TNNT3: variants seen among roughly 807,000 people sequenced by gnomAD.
The protein encoded by TNNT3 is troponin T, fast skeletal muscle.
In TNNT3, 36 loss-of-function variants were observed where a neutral mutation model predicts 54.2. The observed-to-expected ratio is 0.66, with a 90% confidence interval of 0.51 to 0.88. The LOEUF is 0.88. Ranked by LOEUF, TNNT3 falls within the 40% of genes least tolerant of loss-of-function variation. TNNT3 has a pLI of 0.00. For missense variants in TNNT3, 291 were observed against 331.6 expected, an observed-to-expected ratio of 0.88 and a Z score of 0.95; for synonymous variants, 120 against 109.7, an observed-to-expected ratio of 1.09 and a Z score of -0.59.
At chr11:1,921,196 C>T (rs1188728830) in intron 1 of TNNT3, among the ~76,000 whole-genome samples, 2 of 152,204 alleles carry the variant, frequency 1.3e-5, no homozygotes, top group African/African-American at 4.8e-5. Flanking sequence ...TTCTGGACAC[C>T]TCAGCTGCCA....
chr11:1,925,396 G>T (rs922796119), intron 5 of TNNT3: 2 of 1,182,188 alleles, frequency 1.7e-6, no homozygotes, highest in Non-Finnish European at 2.4e-6. Flanking sequence ...CAGCCAAGGG[G>T]CCCCCACATG....
chr11:1,926,585 T>A, intron 5 of TNNT3, 110 bp from the exon 6 acceptor site: 1 of 1,608,320 alleles, frequency 6.2e-7, no homozygotes, highest in South Asian at 1.1e-5. Flanking sequence ...CAGCCTGGCC[T>A]GCTCGCTCCG....
intron 8 of TNNT3, among the ~76,000 whole-genome samples, chr11:1,931,764 G>A (rs1371474212): frequency 6.8e-6 from 1 of 147,602 alleles, no homozygotes; most frequent in African/African-American, 2.5e-5. Flanking sequence ...CATTTGCGTG[G>A]TGTCATCTGG....
rs966279745 is a variant in TNNT3, at chr11:1,929,125, G to A, written c.88G>A (p.Ala30Thr). 5.6e-6 allele frequency: 9 copies of A among 1,613,050 alleles called. No individual in the cohort carries two copies. The highest frequency in any genetic ancestry group is 1.7e-5 in the Admixed American group (1 of 60,012). Residue 30 changes from alanine (A) to threonine (T), a missense_variant, in exon 7 of 16, where the codon GCA becomes ACA. Transcript: ENST00000278317. ...QEEEEVQEDT[A>T]EEDAEEEKPR... The stretch of plus-strand genomic sequence containing the variant: ...TGCCTTTTGCCACCTGGAAGACACC[G>A]CAGAGGAGGACGCGGAAGGTAAGGG...
intron 8 of TNNT3, 51 bp downstream of exon 8, chr11:1,929,879 G>A: frequency 6.6e-7 from 1 of 1,508,324 alleles, no homozygotes; most frequent in African/African-American, 1.5e-5. Context: ...CTGGGGTGGG[G>A]GTGGTCAAGT....
intron 14 of TNNT3, chr11:1,936,226 C>T (rs745840491): frequency 2.1e-5 from 34 of 1,613,738 alleles, no homozygotes; most frequent in South Asian, 2.0e-4. Context: ...CATGAATGTC[C>T]GGGCCAGAGT....
intron 1 of TNNT3, among the ~76,000 whole-genome samples, chr11:1,921,990 C>G (rs1460878595): frequency 6.6e-6 from 1 of 152,206 alleles, no homozygotes; most frequent in Admixed American, 6.5e-5. Context: ...TTCCCCTAGA[C>G]AGGGACAGAT....
Position 1,929,162 on chromosome 11 carries a change from C to T in TNNT3, c.106+19C>T, listed in dbSNP as rs768180865. 11 of 1,612,362 alleles carry T rather than the reference C, an allele frequency of 6.8e-6. No individual in the cohort carries two copies. The highest frequency in any genetic ancestry group is 4.4e-5 in the South Asian group (4 of 91,082). On this transcript the variant is annotated intron_variant, in intron 7 of 15. Coordinates refer to ENST00000278317, the MANE Select transcript of TNNT3 (RefSeq NM_006757.4). ...GCGGAAGGTAAGGGCCCGTCCCTGC[C>T]GCCGGAGGTGCAGGACCCTGGCTCT... is the stretch of plus-strand genomic sequence containing the variant.
intron 8 of TNNT3, among the ~76,000 whole-genome samples, chr11:1,932,217 G>T (rs1589970934): frequency 6.6e-6 from 1 of 152,384 alleles, no homozygotes; most frequent in Non-Finnish European, 1.5e-5. Context: ...GCAATGGCCA[G>T]AAGCCAAAAG....
rs202179523 is a variant in TNNT3, at chr11:1,938,482, G to T, written c.767G>T (p.Arg256Leu). The T allele has an allele frequency of 1.9e-6, 3 of 1,613,322 alleles. No individual in the cohort carries two copies. The highest frequency in any genetic ancestry group is 2.2e-5 in the East Asian group (1 of 44,854). Residue 256 changes from arginine (R) to leucine (L), a missense_variant, in exon 16 of 16, where the codon CGC becomes CTC. Physicochemically the swap from Arg to Leu is moderately radical, Grantham distance 102. Transcript: ENST00000278317. Reference sequence around the variant, plus strand: ...CCAGCCAAGGGCAAAGTCGGCGGGCGCTGGAAGTAGAGAGGCCAGAAAGGC... The same window carrying T: ...CCAGCCAAGGGCAAAGTCGGCGGGCTCTGGAAGTAGAGAGGCCAGAAAGGC... Reference protein sequence around the residue: ...GTPAKGKVGGRWK With the variant: ...GTPAKGKVGGLWK
At chr11:1,926,566 A>T (rs914481024) in intron 5 of TNNT3, 129 bp from the exon 6 acceptor site, 11 of 1,608,526 alleles carry the variant, frequency 6.8e-6, no homozygotes, top group Non-Finnish European at 9.4e-6. Context: ...GGGGCCGCGT[A>T]ACCCTGCACA....
intron 3 of TNNT3, 70 bp downstream of exon 3, chr11:1,923,131 G>T: frequency 6.3e-7 from 1 of 1,596,816 alleles, no homozygotes; most frequent in South Asian, 1.1e-5. Flanking sequence ...GCAGGGGGCT[G>T]GACTGTGCAT....
intron 1 of TNNT3, among the ~76,000 whole-genome samples, chr11:1,922,494 C>T (rs986125197): frequency 6.6e-6 from 1 of 152,154 alleles, no homozygotes. Context: ...GGACGGCACA[C>T]GGCCTGCATT....
chr11:1,921,734 G>T (rs538769490), intron 1 of TNNT3: 1 of 152,246 alleles, frequency 6.6e-6, no homozygotes, highest in Non-Finnish European at 1.5e-5. Context: ...GCTGATGAAC[G>T]TGTGTTTTCC....
chr11:1,931,490 C>G (rs1481970717), intron 8 of TNNT3, among the ~76,000 whole-genome samples: 3 of 152,314 alleles, frequency 2.0e-5, no homozygotes, highest in African/African-American at 7.2e-5. Flanking sequence ...GAAACGGCAC[C>G]TCATGATTCT....
rs1853411882 is a variant in TNNT3 at position 1,931,719 on chromosome 11, CG to C, written c.126-749del. 2.1e-5 allele frequency among the ~76,000 whole-genome samples: 3 copies of C among 140,616 alleles called. 1 individual carries two copies. In the South Asian group the frequency reaches 6.7e-4, roughly 32 times the overall value. The allele number at this position is 140,616 out of a possible 152,430, so 92.2% of individuals were successfully genotyped here. A position where few individuals can be genotyped will look rare whatever the true frequency, so the allele number is the denominator to read the frequency against. ...CTTTTTTTTTTGCCTTTCCATTTTC[CG>C]TTTTTTTTTTTTTTTTCACATACAT... is the stretch of plus-strand genomic sequence containing the variant. On this transcript the variant is annotated intron_variant, in intron 8 of 15. Transcript: ENST00000278317.
Position 1,933,948 on chromosome 11 carries a change from G to A in TNNT3, c.306G>A (p.Glu102=). 1 of 1,612,810 alleles carries A rather than the reference G, an allele frequency of 6.2e-7. No homozygotes were observed. The highest frequency in any genetic ancestry group is 8.5e-7 in the Non-Finnish European group (1 of 1,179,998). ...LKERIEKRRA[E]RAEQQRIRAE... is the part of the protein sequence containing the mutation. Reference sequence around the variant, plus strand: ...GGCTGCAGGAGAAGCGCCGTGCAGAGAGAGCGGAGCAGCAGAGGATTCGTG... The same window carrying A: ...GGCTGCAGGAGAAGCGCCGTGCAGAAAGAGCGGAGCAGCAGAGGATTCGTG... The change falls in exon 11 of 16, where the codon GAG becomes GAA. Residue 102 remains glutamate, a synonymous_variant. Coordinates refer to ENST00000278317, the MANE Select transcript of TNNT3 (RefSeq NM_006757.4).
chr11:1,925,646 C>T (rs1034186088), intron 5 of TNNT3, among the ~76,000 whole-genome samples: 8 of 152,264 alleles, frequency 5.3e-5, no homozygotes, highest in East Asian at 1.9e-4. Flanking sequence ...GGCGTCGACC[C>T]CTGGGCCTGG....
At chr11:1,924,286 GTCT>G (rs1378147655) in intron 4 of TNNT3, among the ~76,000 whole-genome samples, 1 of 152,186 alleles carries the variant, frequency 6.6e-6, no homozygotes, top group Non-Finnish European at 1.5e-5. Flanking sequence ...GCCAGGTGTG[GTCT>G]GTGGGCGTCT....
Sources: gnomAD v4.1 joint callset for allele counts (sites outside exome capture counted in the v4.1 genomes callset) on GRCh38, gnomAD v4.1.1 for gene constraint, MANE v1.5 for transcripts, NCBI Gene and HGNC (gene_info 2026-07-23, HGNC 2026-07-21) for gene names.